DYRK3: variants seen among roughly 807,000 people sequenced by gnomAD.
The protein encoded by DYRK3 is dual specificity tyrosine phosphorylation regulated kinase 3.
Under a neutral mutation model 40.8 loss-of-function variants are expected in DYRK3, and 30 were observed. That is an observed-to-expected ratio of 0.74 (90% CI 0.55 to 1.00). The LOEUF (loss-of-function observed/expected upper bound fraction) is 1.00, where lower values mean the gene tolerates loss of function less well. DYRK3 is among the 50% of genes least tolerant of loss of function. The pLI, the probability that DYRK3 is intolerant of heterozygous loss-of-function variation, is 0.00. For synonymous variants in DYRK3, 272 were observed against 260.7 expected (o/e 1.04, Z -0.42); for missense variants, 699 against 731.5 (o/e 0.96, Z 0.51).
intron 2 of DYRK3, among the ~76,000 whole-genome samples, chr1:206,645,491 T>G (rs1355951637): frequency 1.3e-5 from 2 of 152,108 alleles, no homozygotes; most frequent in East Asian, 1.9e-4. Flanking sequence ...CAGCCCCTTC[T>G]TAGTATTTTT....
At chr1:206,640,636 C>T (rs902081805) in intron 2 of DYRK3, among the ~76,000 whole-genome samples, 9 of 150,988 alleles carry the variant, frequency 6.0e-5, no homozygotes, top group Non-Finnish European at 8.8e-5. Context: ...TTGCAAGCTC[C>T]GCCTCCTGGG....
intron 1 of DYRK3, chr1:206,636,107 A>C: frequency 1.4e-6 from 2 of 1,403,216 alleles, no homozygotes; most frequent in Non-Finnish European, 1.9e-6. Flanking sequence ...CTTTTTATTA[A>C]AGGGGGGGAG....
rs782035696 is a variant in DYRK3, at chr1:206,647,786, C to A, written c.588C>A (p.Ala196=). The change falls in exon 3 of 3, where the codon GCC becomes GCA. Residue 196 remains alanine, a synonymous_variant. Transcript: ENST00000367109. ...NNGGYDDADG[A]YIHVPRDHLA... The stretch of plus-strand genomic sequence containing the variant: ...GAGGGTATGATGATGCAGATGGGGC[C>A]TATATTCATGTACCTCGAGACCATC... 4 of 1,614,008 alleles carry A rather than the reference C, an allele frequency of 2.5e-6. No homozygotes were observed. Among genetic ancestry groups the A allele is most frequent in the Non-Finnish European group, 3.4e-6 (4 of 1,180,008 alleles).
intron 2 of DYRK3, among the ~76,000 whole-genome samples, chr1:206,642,919 TATAATA>T (rs1166301224): frequency 9.9e-5 from 15 of 151,390 alleles, no homozygotes; most frequent in African/African-American, 3.1e-4. Flanking sequence ...CCCTATAACT[TATAATA>T]ATAATAATAA....
In DYRK3 at chr1:206,654,824, T is replaced by C. The variant is rs535552224; in HGVS notation, c.*5859T>C. ...TATGATTCTTAATATAGCCCACCCA[T>C]CGCTAAGTCAAGCCTAGACTCTAAT... is the stretch of plus-strand genomic sequence containing the variant. On this transcript the variant is annotated 3_prime_UTR_variant, in exon 3 of 3. Transcript: ENST00000367109. 6.6e-5 allele frequency among the ~76,000 whole-genome samples: 10 copies of C among 152,318 alleles called. 1 individual carries two copies. The highest frequency in any genetic ancestry group is 2.4e-4 in the African/African-American group (10 of 41,560).
At chr1:206,635,836 G>A in intron 1 of DYRK3, 56 bp downstream of exon 1, 1 of 1,241,232 alleles carries the variant, frequency 8.1e-7, no homozygotes, top group Non-Finnish European at 1.0e-6. Context: ...GCTGGCGCTG[G>A]CAAGCGAAGC....
At chr1:206,635,883 G>A in intron 1 of DYRK3, 103 bp downstream of exon 1, 1 of 1,262,748 alleles carries the variant, frequency 7.9e-7, no homozygotes, top group African/African-American at 1.5e-5. Context: ...GCCCTCAGTA[G>A]GAGGGACGAG....
At chr1:206,639,928 CTTTTTTTTTTTTT>C (rs1166474916) in intron 2 of DYRK3, among the ~76,000 whole-genome samples, 13 of 87,502 alleles carry the variant, frequency 1.5e-4, no homozygotes, top group South Asian at 4.0e-4. Context: ...TTACTCATTT[CTTTTTTTTTTTTT>C]TTTTTTTTTT....
At chr1:206,642,697 T>C (rs1484342358) in intron 2 of DYRK3, among the ~76,000 whole-genome samples, 1 of 152,004 alleles carries the variant, frequency 6.6e-6, no homozygotes, top group Non-Finnish European at 1.5e-5. Flanking sequence ...AAACACCACA[T>C]GTTCTCACTC....
chr1:206,644,835 T>C (rs1046796522), intron 2 of DYRK3, among the ~76,000 whole-genome samples: 4 of 152,260 alleles, frequency 2.6e-5, no homozygotes, highest in Non-Finnish European at 5.9e-5. Context: ...CCACCACGGC[T>C]GGCCAATATT....
chr1:206,636,657 G>T (rs1200266881), intron 1 of DYRK3, among the ~76,000 whole-genome samples: 1 of 152,006 alleles, frequency 6.6e-6, no homozygotes, highest in African/African-American at 2.4e-5. Flanking sequence ...AGTTTTTAAG[G>T]TGACCAGAAT....
Position 206,651,805 on chromosome 1 carries a change from G to A in DYRK3, c.*2840G>A, listed in dbSNP as rs1053676064. ...CTACAATTTGCTGCATTGGATTTCT[G>A]CATGGGTTTCTCACTGAATAGTAAA... On this transcript the variant is annotated 3_prime_UTR_variant, in exon 3 of 3. Coordinates refer to ENST00000367109, the MANE Select transcript of DYRK3 (RefSeq NM_003582.4). Among the ~76,000 whole-genome samples, 1 of 152,208 alleles carries A rather than the reference G, an allele frequency of 6.6e-6. No individual in the cohort carries two copies. Among genetic ancestry groups the A allele is most frequent in the African/African-American group, 2.4e-5 (1 of 41,448 alleles).
chr1:206,635,775 G>A lies in DYRK3; in HGVS notation c.72G>A (p.Gln24=). 8.0e-7 allele frequency: 1 copy of A among 1,244,492 alleles called. No homozygotes were observed. The highest frequency in any genetic ancestry group is 4.0e-5 in the South Asian group (1 of 25,244). 77.1% of individuals were successfully genotyped at this position (1,244,492 alleles called of 1,614,324 possible). A position where few individuals can be genotyped will look rare whatever the true frequency, so the allele number is the denominator to read the frequency against. The change falls in exon 1 of 3, where the codon CAG becomes CAA. Residue 24 remains glutamine, a synonymous_variant. Coordinates refer to ENST00000367109, the MANE Select transcript of DYRK3 (RefSeq NM_003582.4). ...GPPGAGLPPQ[Q]RRLGDGVYDT... ...CTGGGGCCGGGCTCCCGCCCCAGCAGCGGAGGTAACGGCGCCACGGGGTAA... is the reference window on the plus strand; with the variant it reads ...CTGGGGCCGGGCTCCCGCCCCAGCAACGGAGGTAACGGCGCCACGGGGTAA...
chr1:206,648,676 A>G lies in DYRK3; in HGVS notation c.1478A>G (p.Tyr493Cys), dbSNP rs189150355. 3 of 1,613,922 alleles carry G rather than the reference A, an allele frequency of 1.9e-6. No homozygotes were observed. The highest frequency in any genetic ancestry group is 2.2e-5 in the East Asian group (1 of 44,866). Residue 493 changes from tyrosine (Y) to cysteine (C), a missense_variant, in exon 3 of 3, where the codon TAC becomes TGC. By Grantham distance (194) the Tyr-to-Cys change is radical (BLOSUM62 -2). Coordinates refer to ENST00000367109, the MANE Select transcript of DYRK3 (RefSeq NM_003582.4). Reference protein sequence around the residue: ...WGTALKGCDDYLFIEFLKRCL... With the variant: ...WGTALKGCDDCLFIEFLKRCL... ...ACAGCACTGAAAGGGTGTGATGACTACTTGTTTATAGAGTTCTTGAAAAGG... is the reference window on the plus strand; with the variant it reads ...ACAGCACTGAAAGGGTGTGATGACTGCTTGTTTATAGAGTTCTTGAAAAGG...
At position 206,654,623 on chromosome 1, in the gene DYRK3, G is replaced by A. The variant is rs1389563383; in HGVS notation, c.*5658G>A. On this transcript the variant is annotated 3_prime_UTR_variant, in exon 3 of 3. Coordinates refer to ENST00000367109, the MANE Select transcript of DYRK3 (RefSeq NM_003582.4). The stretch of plus-strand genomic sequence containing the variant: ...CTGGCCTTCAGCCTAATATGATTAG[G>A]GTGTTTTTCTGAGTGTCTGTCAAAT... Among the ~76,000 whole-genome samples the A allele has an allele frequency of 6.6e-6, 1 of 152,078 alleles. No homozygotes were observed. The highest frequency in any genetic ancestry group is 1.5e-5 in the Non-Finnish European group (1 of 68,016).
At chr1:206,640,099 C>T (rs1307010102) in intron 2 of DYRK3, among the ~76,000 whole-genome samples, 1 of 151,838 alleles carries the variant, frequency 6.6e-6, no homozygotes, top group African/African-American at 2.4e-5. Context: ...CCATGCCTGG[C>T]TAATTTTTGT....
chr1:206,647,654 C>A lies in DYRK3; in HGVS notation c.456C>A (p.His152Gln). The part of the protein sequence containing the change: ...TPEQALKQYK[H>Q]HLTAYEKLEI... Reference sequence around the variant, plus strand: ...AACAAGCCCTGAAGCAATATAAACACCACCTCACTGCCTATGAGAAACTGG... The same window carrying A: ...AACAAGCCCTGAAGCAATATAAACAACACCTCACTGCCTATGAGAAACTGG... Residue 152 changes from histidine to glutamine, a missense_variant, in exon 3 of 3, where the codon CAC (histidine) becomes CAA (glutamine). By Grantham distance (24) the His-to-Gln change is conservative. Coordinates refer to ENST00000367109, the MANE Select transcript of DYRK3 (RefSeq NM_003582.4). The A allele has an allele frequency of 6.2e-7, 1 of 1,614,160 alleles. No homozygotes were observed.
At chr1:206,642,374 T>C (rs1352010291) in intron 2 of DYRK3, among the ~76,000 whole-genome samples, 2 of 151,984 alleles carry the variant, frequency 1.3e-5, no homozygotes, top group Non-Finnish European at 2.9e-5. Flanking sequence ...AATGTGGCAA[T>C]TCCTCAAGGA....
In DYRK3 at chr1:206,650,969, C is replaced by T. The variant is rs1671617776; in HGVS notation, c.*2004C>T. Among the ~76,000 whole-genome samples the T allele has an allele frequency of 1.3e-5, 2 of 152,206 alleles. No individual in the cohort carries two copies. Among genetic ancestry groups the T allele is most frequent in the Admixed American group, 6.5e-5 (1 of 15,282 alleles). On this transcript the variant is annotated 3_prime_UTR_variant, in exon 3 of 3. Transcript: ENST00000367109. ...TTTAAAACCTTAATTATCTCCTTTA[C>T]TCCTGGTTTACAGAAGGCAATAAAT... is the stretch of plus-strand genomic sequence containing the variant.
Sources: allele counts gnomAD v4.1 joint callset (sites outside exome capture counted in the v4.1 genomes callset), GRCh38; gene constraint gnomAD v4.1.1; transcripts MANE v1.5; gene names NCBI Gene and HGNC (gene_info 2026-07-23, HGNC 2026-07-21).